CAT: variants seen among roughly 807,000 people sequenced by gnomAD.
The protein encoded by CAT is epididymis secretory sperm binding protein.
CAT carries 43 observed loss-of-function variants against 59.0 expected under a neutral mutation model. That is an observed-to-expected ratio of 0.73 (90% CI 0.57 to 0.94). The LOEUF (loss-of-function observed/expected upper bound fraction) is 0.94, where lower values mean the gene tolerates loss of function less well. Ranked by LOEUF, CAT falls within the 40% of genes least tolerant of loss-of-function variation. The pLI, the probability that CAT is intolerant of heterozygous loss-of-function variation, is 0.00. For synonymous variants in CAT, 218 were observed against 230.9 expected (o/e 0.94, Z 0.51); for missense variants, 664 against 682.9 (o/e 0.97, Z 0.31).
At chr11:34,443,305 C>T (rs190245815) in intron 1 of CAT, among the ~76,000 whole-genome samples, 165 of 152,294 alleles carry the variant, frequency 1.1e-3, no homozygotes, top group African/African-American at 3.6e-3. Flanking sequence ...ATTTATTGGG[C>T]GTATCTTCTG....
chr11:34,447,792 G>T (rs1303969717), intron 1 of CAT, among the ~76,000 whole-genome samples: 6 of 152,210 alleles, frequency 3.9e-5, no homozygotes, highest in African/African-American at 1.4e-4. Flanking sequence ...TTTAATTCAT[G>T]TGTTAACCTT....
At chr11:34,460,916 T>G in intron 8 of CAT, 1 of 343,360 alleles carries the variant, frequency 2.9e-6, no homozygotes. Flanking sequence ...ACATTTATTT[T>G]ATAATGCAAT....
At chr11:34,458,871 TCTAAGGCAG>T (rs1309552384) in intron 8 of CAT, among the ~76,000 whole-genome samples, 1 of 152,178 alleles carries the variant, frequency 6.6e-6, no homozygotes, top group East Asian at 1.9e-4. Context: ...AAAGCAAATG[TCTAAGGCAG>T]CTATTCAAAC....
chr11:34,459,594 A>G (rs1856626858), intron 8 of CAT, among the ~76,000 whole-genome samples: 2 of 152,046 alleles, frequency 1.3e-5, no homozygotes, highest in African/African-American at 2.4e-5. Flanking sequence ...AGGCTTTCCC[A>G]CTCACGCAGG....
chr11:34,451,955 A>G (rs1190314551), intron 3 of CAT, 122 bp from the exon 4 acceptor site: 14 of 996,252 alleles, frequency 1.4e-5, no homozygotes, highest in Non-Finnish European at 2.2e-5. Context: ...GCACTTAAAT[A>G]CCTAATTTAG....
rs768858587 is a variant in CAT, at chr11:34,453,772, A to AT, written c.586-25dup. On this transcript the variant is annotated intron_variant, in intron 5 of 12. Transcript: ENST00000241052. ...AGGATGTTTTGATTTAAATGAAAAC[A>AT]TTTTAGGCTTTATATTTCTGTTCTT... 1.9e-6 allele frequency: 3 copies of AT among 1,606,990 alleles called. No individual in the cohort carries two copies. In the South Asian group the frequency reaches 3.3e-5, roughly 18 times the overall value.
At chr11:34,451,139 A>G (rs745513399) in intron 3 of CAT, 41 bp downstream of exon 3, 24 of 1,143,444 alleles carry the variant, frequency 2.1e-5, no homozygotes, top group South Asian at 2.0e-4. Flanking sequence ...GCTTAACTCA[A>G]CTTCACCTTT....
Position 34,453,155 on chromosome 11 carries a change from C to T in CAT, c.546C>T (p.Val182=), listed in dbSNP as rs762224958. 13 of 1,613,286 alleles carry T rather than the reference C, an allele frequency of 8.1e-6. No individual in the cohort carries two copies. In the African/African-American group the frequency reaches 1.6e-4, roughly 20 times the overall value. Reference sequence around the variant, plus strand: ...CACATCTGAAGGATCCGGACATGGTCTGGGACTTCTGGAGCCTACGTCCTG... The same window carrying T: ...CACATCTGAAGGATCCGGACATGGTTTGGGACTTCTGGAGCCTACGTCCTG... ...PQTHLKDPDM[V]WDFWSLRPES... Residue 182 remains valine, a synonymous_variant, in exon 5 of 13, where the codon GTC becomes GTT. Transcript: ENST00000241052.
chr11:34,470,905 T>G, intron 11 of CAT, 53 bp from the exon 12 acceptor site: 42 of 1,404,900 alleles, frequency 3.0e-5, no homozygotes, highest in Non-Finnish European at 3.7e-5. Flanking sequence ...CCCTGGGGAG[T>G]GATATAGTAG....
At chr11:34,447,807 G>A (rs1434726683) in intron 1 of CAT, among the ~76,000 whole-genome samples, 1 of 152,200 alleles carries the variant, frequency 6.6e-6, no homozygotes, top group African/African-American at 2.4e-5. Flanking sequence ...AACCTTAGGA[G>A]GTACTTATTA....
Position 34,451,012 on chromosome 11 carries a change from C to G in CAT, c.263C>G (p.Thr88Arg). The change falls in exon 3 of 13, where the codon ACA (threonine) becomes AGA (arginine). Residue 88 changes from threonine to arginine, a missense_variant. Physicochemically the swap from Thr to Arg is moderately conservative, Grantham distance 71. Transcript: ENST00000241052. ...GGGGCCTTTGGCTACTTTGAGGTCA[C>G]ACATGACATTACCAAATACTCCAAG... ...GAGAFGYFEV[T>R]HDITKYSKAK... The G allele has an allele frequency of 6.2e-7, 1 of 1,613,020 alleles. No individual in the cohort carries two copies. Among genetic ancestry groups the G allele is most frequent in the Non-Finnish European group, 8.5e-7 (1 of 1,178,996 alleles).
chr11:34,470,967 T>C lies in CAT; in HGVS notation c.1444T>C (p.Phe482Leu), dbSNP rs780823658. 6.2e-7 allele frequency: 1 copy of C among 1,614,030 alleles called. No individual in the cohort carries two copies. The highest frequency in any genetic ancestry group is 1.3e-5 in the African/African-American group (1 of 75,042). ...IFIQKKAVKN[F>L]TEVHPDYGSH... ...TTTCCTTTGGCCTTAGGTCAAGAAC[T>C]TCACTGAGGTCCACCCTGACTACGG... Residue 482 changes from phenylalanine to leucine, a missense_variant, in exon 12 of 13, where the codon TTC (phenylalanine) becomes CTC (leucine). Coordinates refer to ENST00000241052, the MANE Select transcript of CAT (RefSeq NM_001752.4).
intron 1 of CAT, among the ~76,000 whole-genome samples, chr11:34,445,063 A>G (rs1004401581): frequency 6.6e-6 from 1 of 152,124 alleles, no homozygotes; most frequent in African/African-American, 2.4e-5. Flanking sequence ...TCTTGGCCAT[A>G]TCATATTGGT....
chr11:34,444,176 G>A (rs773223164), intron 1 of CAT, among the ~76,000 whole-genome samples: 36 of 152,106 alleles, frequency 2.4e-4, no homozygotes, highest in Non-Finnish European at 4.7e-4. Flanking sequence ...ACAAGATGGT[G>A]GATCCCATAC....
chr11:34,453,752 GT>G, intron 5 of CAT, 48 bp from the exon 6 acceptor site: 1 of 1,559,534 alleles, frequency 6.4e-7, no homozygotes, highest in Non-Finnish European at 8.8e-7. Flanking sequence ...AATCAAGGAT[GT>G]TTTGATTTAA....
chr11:34,460,483 T>G (rs1257874166), intron 8 of CAT, among the ~76,000 whole-genome samples: 2 of 150,294 alleles, frequency 1.3e-5, no homozygotes, highest in African/African-American at 2.5e-5. Context: ...TGATCTTGCT[T>G]TGTTGCCCAG....
rs574856611 is a variant in CAT at position 34,461,414 on chromosome 11, C to T, written c.1195+25C>T. On this transcript the variant is annotated intron_variant, in intron 9 of 12. Coordinates refer to ENST00000241052, the MANE Select transcript of CAT (RefSeq NM_001752.4). ...GGTAGGCCTAAAGACGTTGGGCTCC[C>T]CCTGCGTGGGCAGAGGGCACGTGGA... 297 of 1,613,984 alleles carry T rather than the reference C, an allele frequency of 1.8e-4. 6 individuals are homozygous for T. In the South Asian group the frequency reaches 3.0e-3, roughly 16 times the overall value.
At chr11:34,457,466 C>A (rs962339262) in intron 8 of CAT, among the ~76,000 whole-genome samples, 2 of 152,118 alleles carry the variant, frequency 1.3e-5, no homozygotes, top group African/African-American at 2.4e-5. Flanking sequence ...CTCCGCCTCC[C>A]AAAGTGCTGG....
rs566360888 is a variant in CAT at position 34,461,984 on chromosome 11, A to G, written c.1195+595A>G. On this transcript the variant is annotated intron_variant, in intron 9 of 12. Coordinates refer to ENST00000241052, the MANE Select transcript of CAT (RefSeq NM_001752.4). ...TAAGTGAATAAAGTTAGGTGAATCA[A>G]CTTACCACTTTTTGTTTTTTGGAAC... Among the ~76,000 whole-genome samples the G allele has an allele frequency of 4.6e-5, 7 of 152,362 alleles. No homozygotes were observed. The South Asian group carries it at 1.4e-3, about 32-fold the overall frequency.
Sources: allele counts gnomAD v4.1 joint callset (sites outside exome capture counted in the v4.1 genomes callset), GRCh38; gene constraint gnomAD v4.1.1; transcripts MANE v1.5; gene names NCBI Gene and HGNC (gene_info 2026-07-23, HGNC 2026-07-21).